The following DTNB variants were observed in gnomAD, a reference collection of about 807,000 sequenced individuals.
The protein encoded by DTNB is dystrobrevin beta, also known as DTN-B.
DTNB carries 63 observed loss-of-function variants against 90.7 expected under a neutral mutation model. The ratio of observed to expected loss-of-function variants is 0.69; its 90% CI spans 0.57 to 0.86. DTNB has a LOEUF of 0.86. Among genes scored for constraint, DTNB ranks in the 40% least tolerant of loss-of-function variants. DTNB has a pLI of 0.00. For missense variants in DTNB, 744 were observed against 807.1 expected (o/e 0.92, Z 0.95); for synonymous variants, 277 against 286.7 (o/e 0.97, Z 0.34).
chr2:25,634,497 C>G (rs1481353602), intron 3 of DTNB, among the ~76,000 whole-genome samples: 1 of 150,504 alleles, frequency 6.6e-6, no homozygotes, highest in African/African-American at 2.4e-5. Context: ...CTCTGCCCGG[C>G]TGCCCCTACT....
chr2:25,405,693 T>A (rs748128080), intron 16 of DTNB, among the ~76,000 whole-genome samples: 1 of 151,994 alleles, frequency 6.6e-6, no homozygotes, highest in African/African-American at 2.4e-5. Flanking sequence ...AGTACCTACA[T>A]AATATCTGGT....
At chr2:25,638,462 A>C (rs2077545978) in intron 3 of DTNB, among the ~76,000 whole-genome samples, 1 of 152,242 alleles carries the variant, frequency 6.6e-6, no homozygotes, top group African/African-American at 2.4e-5. Flanking sequence ...CAAACACGAG[A>C]AAAGTACAAT....
chr2:25,557,373 T>C (rs958881800), intron 8 of DTNB, among the ~76,000 whole-genome samples: 8 of 152,100 alleles, frequency 5.3e-5, no homozygotes, highest in Non-Finnish European at 1.5e-5. Context: ...AGACAGCCCA[T>C]TGTATCGCTA....
chr2:25,413,405 TCCCTCCC>T (rs2047082803), intron 16 of DTNB, among the ~76,000 whole-genome samples: 1 of 137,520 alleles, frequency 7.3e-6, no homozygotes, highest in Non-Finnish European at 1.6e-5. Context: ...CCTAATGCTA[TCCCTCCC>T]CCCTCCCCCC....
At chr2:25,416,977 T>C (rs2048151578) in intron 16 of DTNB, among the ~76,000 whole-genome samples, 1 of 152,208 alleles carries the variant, frequency 6.6e-6, no homozygotes, top group Non-Finnish European at 1.5e-5. Flanking sequence ...GTTGTACATC[T>C]GAAAAACATT....
chr2:25,643,374 A>G (rs2078766400), intron 2 of DTNB, among the ~76,000 whole-genome samples: 1 of 152,210 alleles, frequency 6.6e-6, no homozygotes, highest in African/African-American at 2.4e-5. Context: ...AGTTACATGA[A>G]GGCAAAGACC....
intron 4 of DTNB, among the ~76,000 whole-genome samples, chr2:25,624,514 G>C (rs1457244028): frequency 6.6e-6 from 1 of 152,222 alleles, no homozygotes; most frequent in Non-Finnish European, 1.5e-5. Flanking sequence ...AATAAAGCCA[G>C]AGCTCTGATG....
chr2:25,447,553 G>A (rs2058610961), intron 12 of DTNB, among the ~76,000 whole-genome samples: 1 of 141,832 alleles, frequency 7.1e-6, no homozygotes, highest in Non-Finnish European at 1.5e-5. Flanking sequence ...TGCCCAGGCT[G>A]GAGTACAGTG....
At chr2:25,386,241 G>C (rs2039438619) in intron 18 of DTNB, 2 of 377,508 alleles carry the variant, frequency 5.3e-6, no homozygotes, top group Non-Finnish European at 7.3e-6. Flanking sequence ...GAGCAGAGCT[G>C]GGGGCTCTGT....
intron 8 of DTNB, among the ~76,000 whole-genome samples, chr2:25,547,336 T>TC (rs2082656137): frequency 6.6e-6 from 1 of 150,580 alleles, no homozygotes; most frequent in Admixed American, 6.6e-5. Context: ...TTTTTTTTTT[T>TC]TTTTTAAGAT....
intron 12 of DTNB, among the ~76,000 whole-genome samples, chr2:25,437,595 TAAG>T (rs772306059): frequency 6.6e-6 from 1 of 151,758 alleles, no homozygotes. Context: ...TAGTGCTCAT[TAAG>T]AAGAAGAAGA....
intron 9 of DTNB, among the ~76,000 whole-genome samples, chr2:25,492,170 A>G (rs1310580786): frequency 2.0e-5 from 3 of 152,224 alleles, no homozygotes; most frequent in South Asian, 2.1e-4. Context: ...GTTACAAAGT[A>G]TAGTTTTGGA....
At chr2:25,432,590 T>C (rs998616937) in intron 14 of DTNB, among the ~76,000 whole-genome samples, 2 of 152,232 alleles carry the variant, frequency 1.3e-5, no homozygotes, top group Admixed American at 1.3e-4. Flanking sequence ...AGAGACAGAC[T>C]GCAGCACAGT....
chr2:25,527,517 C>A (rs1425927297), intron 9 of DTNB, among the ~76,000 whole-genome samples: 3 of 149,470 alleles, frequency 2.0e-5, no homozygotes, highest in Admixed American at 2.0e-4. Context: ...GAGACTCTGT[C>A]TCAAAAAAAA....
chr2:25,437,844 T>A (rs1490211081), intron 12 of DTNB, among the ~76,000 whole-genome samples: 1 of 152,186 alleles, frequency 6.6e-6, no homozygotes, highest in South Asian at 2.1e-4. Flanking sequence ...CAGTTAGGGA[T>A]GTTCTGGTGA....
rs1215345350 is a variant in DTNB at position 25,673,554 on chromosome 2, C to G, written c.-170G>C. 2 of 147,936 alleles carry G rather than the reference C, an allele frequency of 1.4e-5. No homozygotes were observed. Among genetic ancestry groups the G allele is most frequent in the Non-Finnish European group, 3.0e-5 (2 of 66,146 alleles). The allele number at this position is 147,936 out of a possible 1,614,324, so 9.2% of individuals were successfully genotyped here. A position where few individuals can be genotyped will look rare whatever the true frequency, so the allele number is the denominator to read the frequency against. ...GCAGCGCCCGGCTCGCGCCGCTTCT[C>G]CGCCCGGCACGCGCAGCGCCCGCCC... On this transcript the variant is annotated 5_prime_UTR_variant, in exon 1 of 21. Transcript: ENST00000406818.
At chr2:25,603,607 G>C (rs1434871919) in intron 5 of DTNB, among the ~76,000 whole-genome samples, 1 of 151,962 alleles carries the variant, frequency 6.6e-6, no homozygotes, top group Non-Finnish European at 1.5e-5. Context: ...AAAAAAGGTA[G>C]AGAGGAGAAA....
intron 8 of DTNB, among the ~76,000 whole-genome samples, chr2:25,556,847 A>G (rs1311619873): frequency 6.6e-6 from 1 of 152,200 alleles, no homozygotes; most frequent in African/African-American, 2.4e-5. Context: ...CATAAAACTA[A>G]GAAAATATAG....
At chr2:25,422,317 A>AT (rs1414664634) in intron 15 of DTNB, among the ~76,000 whole-genome samples, 1 of 151,904 alleles carries the variant, frequency 6.6e-6, no homozygotes, top group Non-Finnish European at 1.5e-5. Context: ...CTCAAACTAG[A>AT]TAAGCATTTG....
Sources: gnomAD v4.1 joint callset for allele counts (sites outside exome capture counted in the v4.1 genomes callset) on GRCh38, gnomAD v4.1.1 for gene constraint, MANE v1.5 for transcripts, NCBI Gene and HGNC (gene_info 2026-07-23, HGNC 2026-07-21) for gene names.